The following KLHDC4 variants were observed in gnomAD, a reference collection of about 807,000 sequenced individuals.
KLHDC4 encodes the protein kelch domain-containing protein 4.
A neutral mutation model predicts 62.4 loss-of-function variants in KLHDC4; 90 were observed. The observed-to-expected ratio is 1.44, with a 90% CI of 1.22 to 1.72. The LOEUF (loss-of-function observed/expected upper bound fraction) is 1.72. Among genes scored for constraint, KLHDC4 ranks in the 40% most tolerant of loss-of-function variants. KLHDC4 has a pLI of 0.00. For synonymous variants in KLHDC4, 386 were observed against 284.4 expected (o/e 1.36, Z -3.59); for missense variants, 1,025 against 699.7 (o/e 1.47, Z -5.25).
At chr16:87,710,412 G>A (rs1175344647) in intron 9 of KLHDC4, 2 of 152,226 alleles carry the variant, frequency 1.3e-5, no homozygotes, top group Non-Finnish European at 2.9e-5. Flanking sequence ...AGACTTCTAA[G>A]ATCCACTTTG....
In KLHDC4 at chr16:87,765,845, T is replaced by G; in HGVS notation, c.46A>C (p.Lys16Gln). The change falls in exon 1 of 12, where the codon AAG becomes CAG. Residue 16 changes from lysine (K) to glutamine (Q), a missense_variant. Physicochemically the swap from Lys to Gln is moderately conservative, Grantham distance 53 (BLOSUM62 1). Coordinates refer to ENST00000270583, the MANE Select transcript of KLHDC4 (RefSeq NM_017566.4). ...TTCTTCTCCATCTTGGCGGCCGTCT[T>G]CTCCGCGCCGCGGCCCTTCTTCTCC... Reference protein sequence around the residue: ...KKEKKGRGAEKTAAKMEKKVS... With the variant: ...KKEKKGRGAEQTAAKMEKKVS... The G allele has an allele frequency of 6.4e-7, 1 of 1,555,940 alleles. No individual in the cohort carries two copies. The highest frequency in any genetic ancestry group is 8.7e-7 in the Non-Finnish European group (1 of 1,149,186).
At chr16:87,723,778 T>C (rs1470562357) in intron 7 of KLHDC4, among the ~76,000 whole-genome samples, 1 of 152,272 alleles carries the variant, frequency 6.6e-6, no homozygotes, top group Non-Finnish European at 1.5e-5. Flanking sequence ...CCTATGTTCC[T>C]GCAGGCATGT....
intron 5 of KLHDC4, among the ~76,000 whole-genome samples, chr16:87,733,317 G>C (rs555342609): frequency 6.6e-6 from 1 of 152,358 alleles, no homozygotes; most frequent in African/African-American, 2.4e-5. Context: ...CAACAAAACA[G>C]ACAGGGGTGG....
chr16:87,732,445 G>T (rs112937729), intron 5 of KLHDC4, among the ~76,000 whole-genome samples: 1,842 of 152,176 alleles, frequency 0.012, 43 homozygotes, highest in African/African-American at 0.043. Flanking sequence ...TAAAAGGCAT[G>T]CATTTTATTG....
At chr16:87,761,764 G>A (rs1235569714) in intron 2 of KLHDC4, among the ~76,000 whole-genome samples, 185 bp downstream of exon 2, 1 of 152,180 alleles carries the variant, frequency 6.6e-6, no homozygotes, top group Non-Finnish European at 1.5e-5. Context: ...CCTGCTCCCA[G>A]GTTCCATGAC....
chr16:87,736,652 T>TC (rs1294692281), intron 5 of KLHDC4, among the ~76,000 whole-genome samples: 1 of 152,238 alleles, frequency 6.6e-6, no homozygotes, highest in Non-Finnish European at 1.5e-5. Context: ...GTGGCATGAT[T>TC]AGTAGCCGTC....
intron 7 of KLHDC4, among the ~76,000 whole-genome samples, chr16:87,721,414 T>TTAAA (rs1348015584): frequency 7.6e-5 from 6 of 78,902 alleles, no homozygotes; most frequent in African/African-American, 2.1e-4. Flanking sequence ...ACTCTGTCTC[T>TTAAA]AAAAAAAAAA....
chr16:87,752,563 C>T (rs956377366), intron 4 of KLHDC4, among the ~76,000 whole-genome samples: 1 of 151,992 alleles, frequency 6.6e-6, no homozygotes, highest in African/African-American at 2.4e-5. Context: ...TCTCGATCTC[C>T]TGACCTTGTG....
At chr16:87,742,640 T>G (rs1438337747) in intron 5 of KLHDC4, among the ~76,000 whole-genome samples, 1 of 152,032 alleles carries the variant, frequency 6.6e-6, no homozygotes. Context: ...CAACCACACA[T>G]CAACCTGCTC....
At chr16:87,716,678 C>G (rs1031501308) in intron 7 of KLHDC4, among the ~76,000 whole-genome samples, 2 of 152,192 alleles carry the variant, frequency 1.3e-5, no homozygotes, top group African/African-American at 4.8e-5. Flanking sequence ...CACCTGTAAT[C>G]CCAGCACTTC....
intron 6 of KLHDC4, among the ~76,000 whole-genome samples, chr16:87,727,128 A>G (rs2143000716): frequency 6.6e-6 from 1 of 152,326 alleles, no homozygotes; most frequent in South Asian, 2.1e-4. Flanking sequence ...GACGCCAGTC[A>G]GGTCTCCTCA....
chr16:87,748,644 G>C (rs199588074), intron 5 of KLHDC4, 29 bp downstream of exon 5: 1 of 1,613,264 alleles, frequency 6.2e-7, no homozygotes. Flanking sequence ...AGCCATGCCC[G>C]GAGCTCAGCT....
intron 5 of KLHDC4, among the ~76,000 whole-genome samples, chr16:87,735,472 C>T (rs1006296355): frequency 1.3e-5 from 2 of 152,234 alleles, no homozygotes; most frequent in South Asian, 2.1e-4. Context: ...GCTGCCCTAA[C>T]TGCGCTGGGG....
chr16:87,706,183 G>GT (rs1379348700), downstream of KLHDC4, among the ~76,000 whole-genome samples: 2 of 113,050 alleles, frequency 1.8e-5, no homozygotes, highest in East Asian at 2.9e-4. Flanking sequence ...GCAGCCCTCG[G>GT]GGGGGGGTCA....
At chr16:87,707,249 G>GAGCT (rs1217026284), downstream of KLHDC4, among the ~76,000 whole-genome samples, 1 of 152,246 alleles carries the variant, frequency 6.6e-6, no homozygotes, top group Non-Finnish European at 1.5e-5. Context: ...AAGCCAGGAG[G>GAGCT]AGCTGGATGG....
intron 5 of KLHDC4, among the ~76,000 whole-genome samples, chr16:87,734,020 T>C (rs1210488833): frequency 6.7e-6 from 1 of 149,732 alleles, no homozygotes; most frequent in Non-Finnish European, 1.5e-5. Context: ...CAGGGTTTTA[T>C]GTAAAAGCCC....
In KLHDC4 at chr16:87,708,344, G is replaced by T; in HGVS notation, c.*1+6C>A. The T allele has an allele frequency of 6.4e-7, 1 of 1,570,664 alleles. No homozygotes were observed. The highest frequency in any genetic ancestry group is 8.7e-7 in the Non-Finnish European group (1 of 1,155,844). ...CCGCGCCACCCGCCAGCCCGAGCCC[G>T]CTCACCTCAGTCCTCCGCACCGCTC... On this transcript the variant is annotated splice_donor_region_variant and intron_variant, in intron 11 of 11. Transcript: ENST00000270583.
chr16:87,715,532 C>T (rs994699053), intron 7 of KLHDC4, among the ~76,000 whole-genome samples: 7 of 152,314 alleles, frequency 4.6e-5, no homozygotes, highest in South Asian at 2.1e-4. Flanking sequence ...TCCTCAGGTT[C>T]CTCTGGGCCC....
intron 5 of KLHDC4, among the ~76,000 whole-genome samples, chr16:87,731,428 T>C (rs1267164745): frequency 1.3e-5 from 2 of 151,566 alleles, no homozygotes; most frequent in Non-Finnish European, 2.9e-5. Context: ...GGCAAAAGAT[T>C]TGATCAGAAA....
Sources: allele counts gnomAD v4.1 joint callset (sites outside exome capture counted in the v4.1 genomes callset), GRCh38; gene constraint gnomAD v4.1.1; transcripts MANE v1.5; gene names NCBI Gene and HGNC (gene_info 2026-07-23, HGNC 2026-07-21).